Variants in RNASEH2B observed in about 807,000 individuals in gnomAD.
RNASEH2B encodes the protein ribonuclease H2 subunit B, also known as Aicardi-Goutieres syndrome 2 protein.
In RNASEH2B, 36 loss-of-function variants were observed where a neutral mutation model predicts 45.0. The ratio of observed to expected loss-of-function variants is 0.80; its 90% CI spans 0.61 to 1.06. The LOEUF (loss-of-function observed/expected upper bound fraction) is 1.06, where lower values mean the gene tolerates loss of function less well. Among genes scored for constraint, RNASEH2B ranks in the 50% least tolerant of loss-of-function variants. RNASEH2B has a pLI of 0.00. For synonymous variants in RNASEH2B, 119 were observed against 125.7 expected (o/e 0.95, Z 0.35); for missense variants, 361 against 360.3 (o/e 1.00, Z -0.02).
At chr13:50,935,167 G>A in intron 5 of RNASEH2B, 168 bp downstream of exon 5, 1 of 628,362 alleles carries the variant, frequency 1.6e-6, no homozygotes, top group Non-Finnish European at 2.9e-6. Context: ...TTGCTTTGGA[G>A]TGTTTAGTCT....
At chr13:50,968,570 T>C (rs909968940) in intron 9 of RNASEH2B, among the ~76,000 whole-genome samples, 3 of 152,238 alleles carry the variant, frequency 2.0e-5, no homozygotes, top group Non-Finnish European at 2.9e-5. Context: ...CCAAGGTTCC[T>C]ATTCATACCA....
chr13:50,928,059 T>C (rs1046232118), intron 2 of RNASEH2B, among the ~76,000 whole-genome samples: 1 of 152,186 alleles, frequency 6.6e-6, no homozygotes, highest in Admixed American at 6.5e-5. Flanking sequence ...AATTTTATTT[T>C]AACTTTATAT....
chr13:50,917,191 A>C (rs908113311), intron 1 of RNASEH2B, among the ~76,000 whole-genome samples: 1 of 152,194 alleles, frequency 6.6e-6, no homozygotes, highest in Non-Finnish European at 1.5e-5. Flanking sequence ...AGGAGGACAA[A>C]GTGGGCACTT....
At chr13:50,926,702 G>A (rs985033018) in intron 1 of RNASEH2B, among the ~76,000 whole-genome samples, 3 of 151,838 alleles carry the variant, frequency 2.0e-5, no homozygotes, top group Non-Finnish European at 4.4e-5. Context: ...GTGATACAAA[G>A]GATACAACCA....
intron 1 of RNASEH2B, among the ~76,000 whole-genome samples, chr13:50,922,615 C>T (rs1185276331): frequency 1.3e-5 from 2 of 152,166 alleles, no homozygotes; most frequent in Non-Finnish European, 2.9e-5. Flanking sequence ...CCAGAAAAGT[C>T]ACTAAACAAA....
intron 1 of RNASEH2B, among the ~76,000 whole-genome samples, chr13:50,914,360 A>G (rs1279903622): frequency 3.3e-5 from 5 of 152,202 alleles, no homozygotes; most frequent in African/African-American, 7.2e-5. Flanking sequence ...TTCAGAAGAG[A>G]TGAACTTCAC....
chr13:50,957,120 CAG>C (rs769142735), downstream of RNASEH2B, among the ~76,000 whole-genome samples: 5 of 149,396 alleles, frequency 3.3e-5, no homozygotes, highest in South Asian at 4.2e-4. Flanking sequence ...ATTTTAGACT[CAG>C]GGGGTACATA....
intron 8 of RNASEH2B, 165 bp from the exon 9 acceptor site, chr13:50,949,298 G>A (rs1053978024): frequency 1.6e-6 from 1 of 635,212 alleles, no homozygotes; most frequent in Middle Eastern, 4.2e-4. Context: ...CTCATTTATT[G>A]AGAAAACTTT....
chr13:50,957,435 T>C (rs2138030264), downstream of RNASEH2B, among the ~76,000 whole-genome samples: 1 of 152,280 alleles, frequency 6.6e-6, no homozygotes, highest in East Asian at 1.9e-4. Flanking sequence ...ATGATTTCAT[T>C]CTCTTTTATG....
intron 1 of RNASEH2B, among the ~76,000 whole-genome samples, chr13:50,914,755 A>G (rs1186266997): frequency 6.6e-6 from 1 of 152,202 alleles, no homozygotes; most frequent in Non-Finnish European, 1.5e-5. Context: ...GGACATTTAT[A>G]AGTAAGAACT....
intron 8 of RNASEH2B, 75 bp downstream of exon 8, chr13:50,948,143 T>C (rs2138000956): frequency 6.3e-7 from 1 of 1,592,760 alleles, no homozygotes; most frequent in Non-Finnish European, 8.5e-7. Flanking sequence ...GGTTTCCTTA[T>C]GGCTTATCAT....
chr13:50,910,270 G>C (rs542198163), intron 1 of RNASEH2B, 130 bp downstream of exon 1: 6 of 572,804 alleles, frequency 1.0e-5, no homozygotes, highest in Middle Eastern at 5.0e-4. Flanking sequence ...TTCTCTCTGG[G>C]ACAGCTGGCC....
chr13:50,969,006 A>G lies in RNASEH2B; in HGVS notation c.742-926A>G, dbSNP rs539697963. Among the ~76,000 whole-genome samples, 5 of 152,350 alleles carry G rather than the reference A, an allele frequency of 3.3e-5. No homozygotes were observed. In the South Asian group the frequency reaches 1.0e-3, roughly 32 times the overall value. On this transcript the variant is annotated intron_variant, in intron 9 of 9. Transcript: ENST00000422660. ...ACATGTTGTTCTTGCATAAACAAGC[A>G]AAAGAAGCTAAGGAATCAACTTAGA... is the stretch of plus-strand genomic sequence containing the variant.
At chr13:50,930,597 CTG>C in intron 3 of RNASEH2B, 84 bp from the exon 4 acceptor site, 1 of 968,034 alleles carries the variant, frequency 1.0e-6, no homozygotes, top group South Asian at 1.3e-5. Flanking sequence ...TTTTTCAACA[CTG>C]TTTTTCACTT....
chr13:50,949,340 G>C, intron 8 of RNASEH2B, 123 bp from the exon 9 acceptor site: 1 of 791,634 alleles, frequency 1.3e-6, no homozygotes, highest in South Asian at 1.4e-5. Context: ...TGAACAGGAA[G>C]ATATATGGAG....
At chr13:50,938,157 A>T (rs1951782873) in intron 5 of RNASEH2B, 1 of 152,258 alleles carries the variant, frequency 6.6e-6, no homozygotes, top group Non-Finnish European at 1.5e-5. Context: ...ATGGAATAAA[A>T]ACATACCATT....
intron 8 of RNASEH2B, 160 bp downstream of exon 8, chr13:50,948,228 T>G (rs970785697): frequency 8.7e-7 from 1 of 1,147,526 alleles, no homozygotes; most frequent in African/African-American, 1.6e-5. Flanking sequence ...TTTTAATGGA[T>G]GATTGGAATG....
intron 5 of RNASEH2B, among the ~76,000 whole-genome samples, chr13:50,939,890 CTG>C (rs1951812896): frequency 6.6e-6 from 1 of 152,118 alleles, no homozygotes; most frequent in Non-Finnish European, 1.5e-5. Flanking sequence ...AACCCACTAA[CTG>C]TAAAAAAATT....
chr13:50,969,991 C>T (rs1952204640), exon 10 of RNASEH2B: 2 of 1,550,508 alleles, frequency 1.3e-6, no homozygotes, highest in Non-Finnish European at 1.7e-6. Flanking sequence ...CAAGGCTTGG[C>T]GGTTTTCCCT....
Sources: allele counts gnomAD v4.1 joint callset (sites outside exome capture counted in the v4.1 genomes callset), GRCh38; gene constraint gnomAD v4.1.1; transcripts MANE v1.5; gene names NCBI Gene and HGNC (gene_info 2026-07-23, HGNC 2026-07-21).